NEDD1: variants seen among roughly 807,000 people sequenced by gnomAD.
The protein encoded by NEDD1 is protein NEDD1.
A neutral mutation model predicts 74.0 loss-of-function variants in NEDD1; 33 were observed. The ratio of observed to expected loss-of-function variants is 0.45; its 90% confidence interval spans 0.34 to 0.60. The LOEUF (loss-of-function observed/expected upper bound fraction) is 0.60, where lower values mean the gene tolerates loss of function less well. NEDD1 is among the 20% of genes least tolerant of loss of function. The pLI is 0.01. For synonymous variants in NEDD1, 250 were observed against 264.4 expected (o/e 0.95, Z 0.53); for missense variants, 746 against 776.5 (o/e 0.96, Z 0.47).
At chr12:96,934,560 C>CA (rs1191921145) in intron 6 of NEDD1, among the ~76,000 whole-genome samples, 2 of 150,430 alleles carry the variant, frequency 1.3e-5, no homozygotes, top group Non-Finnish European at 3.0e-5. Context: ...GTTTTTAAGA[C>CA]AGAGTCTCAC....
Position 96,937,247 on chromosome 12 carries a change from G to T in NEDD1, c.971G>T (p.Arg324Leu). 1 of 1,611,620 alleles carries T rather than the reference G, an allele frequency of 6.2e-7. No individual in the cohort carries two copies. Among genetic ancestry groups the T allele is most frequent in the Non-Finnish European group, 8.5e-7 (1 of 1,178,694 alleles). ...AATAAGCCCACAACAGTGAACAAACGAAGTGTTAATGTGAATGCTGCTAGT... is the reference window on the plus strand; with the variant it reads ...AATAAGCCCACAACAGTGAACAAACTAAGTGTTAATGTGAATGCTGCTAGT... ...CSNKPTTVNKRSVNVNAASGG... is the reference protein window; with the variant it reads ...CSNKPTTVNKLSVNVNAASGG... Residue 324 changes from arginine to leucine, a missense_variant, in exon 9 of 16, where the codon CGA (arginine) becomes CTA (leucine). Arg to Leu is a moderately radical substitution (Grantham distance 102). Around this residue, in one of 3 missense-constraint regions of NEDD1, gnomAD observed 706 missense variants for 706.7 expected, o/e 1.00. Transcript: ENST00000266742.
rs747808314 is a variant in NEDD1 at position 96,935,021 on chromosome 12, G to A, written c.535G>A (p.Gly179Ser). 3 of 1,611,686 alleles carry A rather than the reference G, an allele frequency of 1.9e-6. No individual in the cohort carries two copies. The highest frequency in any genetic ancestry group is 2.5e-6 in the Non-Finnish European group (3 of 1,177,864). ...CTCCTTGTTTAAGAAATCACTACTGGGCAGTGTTTCGGATAATGGAATAGT... is the reference window on the plus strand; with the variant it reads ...CTCCTTGTTTAAGAAATCACTACTGAGCAGTGTTTCGGATAATGGAATAGT... Reference protein sequence around the residue: ...KYSLFKKSLLGSVSDNGIVTL... With the variant: ...KYSLFKKSLLSSVSDNGIVTL... The change falls in exon 7 of 16, where the codon GGC (glycine) becomes AGC (serine). Residue 179 changes from glycine (G) to serine (S), a missense_variant. Gly to Ser is a moderately conservative substitution (Grantham distance 56, BLOSUM62 0). Transcript: ENST00000266742.
At chr12:96,927,512 CTTGTGTT>C (rs1875844255) in intron 6 of NEDD1, among the ~76,000 whole-genome samples, 3 of 152,308 alleles carry the variant, frequency 2.0e-5, no homozygotes, top group African/African-American at 7.2e-5. Flanking sequence ...AATAGGTTAA[CTTGTGTT>C]ATCTTTCTCA....
chr12:96,937,120 A>G (rs1877190610), intron 8 of NEDD1, 78 bp from the exon 9 acceptor site: 1 of 794,398 alleles, frequency 1.3e-6, no homozygotes, highest in Non-Finnish European at 1.8e-6. Context: ...TTTTAATCTA[A>G]CAGGGAATTT....
chr12:96,909,533 T>A (rs998707892), intron 2 of NEDD1, among the ~76,000 whole-genome samples: 7 of 152,140 alleles, frequency 4.6e-5, no homozygotes, highest in Non-Finnish European at 1.0e-4. Flanking sequence ...GAGGCTGGAT[T>A]TCATTATCAT....
chr12:96,950,319 TGAC>T (rs1878596259), intron 14 of NEDD1, among the ~76,000 whole-genome samples: 1 of 152,012 alleles, frequency 6.6e-6, no homozygotes, highest in Non-Finnish European at 1.5e-5. Context: ...GTTATACTGG[TGAC>T]ATCCATTGAT....
At chr12:96,909,690 CT>C in intron 2 of NEDD1, 61 bp from the exon 3 acceptor site, 11 of 1,387,472 alleles carry the variant, frequency 7.9e-6, no homozygotes, top group Admixed American at 2.0e-5. Flanking sequence ...AGATTTTGAC[CT>C]TTTTTTGAGT....
intron 6 of NEDD1, among the ~76,000 whole-genome samples, chr12:96,931,043 T>TG (rs1225397542): frequency 1.3e-5 from 2 of 152,134 alleles, no homozygotes; most frequent in African/African-American, 4.8e-5. Flanking sequence ...GGGATAACTA[T>TG]GTAGTGGCTT....
At chr12:96,945,182 G>A (rs1878077329) in intron 13 of NEDD1, among the ~76,000 whole-genome samples, 1 of 151,626 alleles carries the variant, frequency 6.6e-6, no homozygotes, top group South Asian at 2.1e-4. Flanking sequence ...ACATTTAAAG[G>A]AATATTTGGT....
chr12:96,931,410 G>A (rs1323376557), intron 6 of NEDD1, among the ~76,000 whole-genome samples: 1 of 152,150 alleles, frequency 6.6e-6, no homozygotes, highest in Non-Finnish European at 1.5e-5. Flanking sequence ...CAATGTATGA[G>A]AGCAGTTGCA....
At chr12:96,934,347 A>G (rs1279057639) in intron 6 of NEDD1, among the ~76,000 whole-genome samples, 1 of 152,070 alleles carries the variant, frequency 6.6e-6, no homozygotes, top group African/African-American at 2.4e-5. Context: ...AAAGGAGAAG[A>G]TTGAGGTAGC....
rs770241376 is a variant in NEDD1 at position 96,951,414 on chromosome 12, A to G, written c.1812-18A>G. 1.0e-5 allele frequency: 15 copies of G among 1,461,310 alleles called. No individual in the cohort carries two copies. Among genetic ancestry groups the G allele is most frequent in the Admixed American group, 1.8e-5 (1 of 54,534 alleles). The allele number at this position is 1,461,310 out of a possible 1,614,324, so 90.5% of individuals were successfully genotyped here. On this transcript the variant is annotated intron_variant, in intron 14 of 15. Coordinates refer to ENST00000266742, the MANE Select transcript of NEDD1 (RefSeq NM_152905.4). The stretch of plus-strand genomic sequence containing the variant: ...TTAAACTATTGTAATTCTAAAAAGT[A>G]TTTTACATTCTTCCTAGAGAAGCAT...
At chr12:96,939,788 C>T (rs1319627896) in intron 9 of NEDD1, among the ~76,000 whole-genome samples, 1 of 151,936 alleles carries the variant, frequency 6.6e-6, no homozygotes, top group Non-Finnish European at 1.5e-5. Context: ...GTCTACCTTA[C>T]TATTCTTTAT....
At chr12:96,930,211 ACTCTCTCTCT>A (rs143562580) in intron 6 of NEDD1, among the ~76,000 whole-genome samples, 14 of 89,244 alleles carry the variant, frequency 1.6e-4, no homozygotes, top group African/African-American at 7.3e-4. Flanking sequence ...ACACACACAC[ACTCTCTCTCT>A]CTCTCTCTCT....
intron 10 of NEDD1, among the ~76,000 whole-genome samples, chr12:96,941,882 G>A (rs1877695763): frequency 6.6e-6 from 1 of 152,056 alleles, no homozygotes; most frequent in Non-Finnish European, 1.5e-5. Flanking sequence ...TACATGCTGT[G>A]CAATTACTGG....
chr12:96,920,178 A>C, intron 6 of NEDD1, 53 bp downstream of exon 6: 1 of 1,151,758 alleles, frequency 8.7e-7, no homozygotes, highest in Non-Finnish European at 1.2e-6. Flanking sequence ...TTTGAATTGT[A>C]TCTTACATAA....
chr12:96,926,991 TG>T lies in NEDD1; in HGVS notation c.489+6867del, dbSNP rs1875779872. ...GACAGAGCGAAAAAAAAAAAAATTG[TG>T]TGTGTGTGTGTGTGTGTATAATATA... On this transcript the variant is annotated intron_variant, in intron 6 of 15. Transcript: ENST00000266742. Among the ~76,000 whole-genome samples the T allele has an allele frequency of 4.0e-4, 2 of 4,954 alleles. 1 individual carries two copies. Among genetic ancestry groups the T allele is most frequent in the Non-Finnish European group, 1.3e-3 (2 of 1,524 alleles). 3.3% of individuals were successfully genotyped at this position (4,954 alleles called of 152,430 possible). A position where few individuals can be genotyped will look rare whatever the true frequency, so the allele number is the denominator to read the frequency against.
chr12:96,947,753 G>C (rs1878335950), intron 14 of NEDD1, among the ~76,000 whole-genome samples: 1 of 152,146 alleles, frequency 6.6e-6, no homozygotes, highest in Non-Finnish European at 1.5e-5. Context: ...TATCTAACCT[G>C]TTCCTGGCTT....
chr12:96,943,132 A>G (rs1264289803), intron 11 of NEDD1, among the ~76,000 whole-genome samples: 1 of 152,036 alleles, frequency 6.6e-6, no homozygotes, highest in Non-Finnish European at 1.5e-5. Flanking sequence ...CAAAGGGAGG[A>G]GATTACCCAA....
Sources: gnomAD v4.1 joint callset for allele counts (sites outside exome capture counted in the v4.1 genomes callset) on GRCh38, gnomAD v4.1.1 for gene constraint, gnomAD v4.1.1 regional missense constraint, MANE v1.5 for transcripts, NCBI Gene and HGNC (gene_info 2026-07-23, HGNC 2026-07-21) for gene names.